The following NELL1 variants were observed in gnomAD, a reference collection of about 807,000 sequenced individuals.
NELL1 encodes the protein protein kinase C-binding protein NELL1.
A neutral mutation model predicts 107.4 loss-of-function variants in NELL1; 76 were observed. The ratio of observed to expected loss-of-function variants is 0.71; its 90% confidence interval spans 0.59 to 0.86. The LOEUF (loss-of-function observed/expected upper bound fraction) is 0.86. Among genes scored for constraint, NELL1 ranks in the 40% least tolerant of loss-of-function variants. The pLI is 0.00. For synonymous variants in NELL1, 353 were observed against 341.2 expected, an observed-to-expected ratio of 1.03 and a Z score of -0.38; for missense variants, 1,024 against 1,005.5, an observed-to-expected ratio of 1.02 and a Z score of -0.25.
intron 15 of NELL1, among the ~76,000 whole-genome samples, chr11:21,463,224 C>T (rs957915803): frequency 4.6e-5 from 7 of 152,014 alleles, no homozygotes; most frequent in Admixed American, 2.0e-4. Flanking sequence ...CTCCCACCTC[C>T]AGCACTTTGT....
chr11:21,459,748 A>G (rs1020193068), intron 15 of NELL1, among the ~76,000 whole-genome samples: 2 of 152,148 alleles, frequency 1.3e-5, no homozygotes, highest in Admixed American at 1.3e-4. Flanking sequence ...GATCTTCTTC[A>G]TCTAGAAAAT....
intron 14 of NELL1, among the ~76,000 whole-genome samples, chr11:21,292,546 A>C (rs564952999): frequency 6.6e-6 from 1 of 152,192 alleles, no homozygotes; most frequent in Non-Finnish European, 1.5e-5. Flanking sequence ...TAAAGCTACC[A>C]TTGACTTTCT....
chr11:20,697,916 T>C (rs1156393018), intron 2 of NELL1, among the ~76,000 whole-genome samples: 1 of 152,186 alleles, frequency 6.6e-6, no homozygotes, highest in African/African-American at 2.4e-5. Context: ...TAGCTGTTAA[T>C]GCTCAGAAAA....
chr11:20,831,991 A>AG (rs1198112615), intron 3 of NELL1, among the ~76,000 whole-genome samples: 1 of 152,190 alleles, frequency 6.6e-6, no homozygotes, highest in Non-Finnish European at 1.5e-5. Flanking sequence ...AATTCAGCGT[A>AG]GGGGGTGGGA....
intron 2 of NELL1, among the ~76,000 whole-genome samples, chr11:20,743,467 G>A (rs1376436010): frequency 1.3e-5 from 2 of 152,104 alleles, no homozygotes; most frequent in East Asian, 3.9e-4. Flanking sequence ...ATGAGTTGTT[G>A]TAACAATGAG....
At chr11:21,303,449 T>C (rs1053870207) in intron 14 of NELL1, among the ~76,000 whole-genome samples, 2 of 151,996 alleles carry the variant, frequency 1.3e-5, no homozygotes, top group African/African-American at 4.8e-5. Context: ...TCAGAATTGC[T>C]ATTATTAAAA....
chr11:20,845,875 C>T (rs776769960), intron 3 of NELL1, among the ~76,000 whole-genome samples: 4 of 151,992 alleles, frequency 2.6e-5, no homozygotes, highest in African/African-American at 4.8e-5. Context: ...ATATTTTAAA[C>T]CCCTTTTTAG....
rs547591509 is a variant in NELL1, at chr11:20,930,262, A to G, written c.997+1783A>G. On this transcript the variant is annotated intron_variant, in intron 9 of 19. Transcript: ENST00000357134. ...ATAGCTCCACTTAGAAACACTCTTGAAATTTTAGTGGATGTGTCCTTTTTT... is the reference window on the plus strand; with the variant it reads ...ATAGCTCCACTTAGAAACACTCTTGGAATTTTAGTGGATGTGTCCTTTTTT... 3.9e-5 allele frequency among the ~76,000 whole-genome samples: 6 copies of G among 152,300 alleles called. 1 individual carries two copies. In the South Asian group the frequency reaches 1.2e-3, roughly 32 times the overall value.
At chr11:20,968,356 A>AAAGGAAGGAAGG (rs113924334) in intron 12 of NELL1, among the ~76,000 whole-genome samples, 6 of 151,394 alleles carry the variant, frequency 4.0e-5, no homozygotes, top group East Asian at 3.9e-4. Context: ...TTAAAGAAAG[A>AAAGGAAGGAAGG]AAGGAAGGAA....
chr11:21,413,175 C>G (rs1016899933), intron 15 of NELL1, among the ~76,000 whole-genome samples: 2 of 152,096 alleles, frequency 1.3e-5, no homozygotes, highest in African/African-American at 2.4e-5. Context: ...TTCTCAGTAT[C>G]AGTATCACGA....
intron 19 of NELL1, 67 bp downstream of exon 19, chr11:21,573,476 C>T: frequency 7.3e-7 from 1 of 1,366,530 alleles, no homozygotes; most frequent in South Asian, 1.2e-5. Flanking sequence ...AGGAGGTCCA[C>T]TCCTGATGTT....
intron 15 of NELL1, among the ~76,000 whole-genome samples, chr11:21,381,006 T>G (rs1403927131): frequency 6.6e-6 from 1 of 152,046 alleles, no homozygotes; most frequent in African/African-American, 2.4e-5. Flanking sequence ...TTTATCCTTT[T>G]GGACATATAT....
chr11:20,739,002 T>A (rs1855825905), intron 2 of NELL1, among the ~76,000 whole-genome samples: 1 of 152,184 alleles, frequency 6.6e-6, no homozygotes, highest in Non-Finnish European at 1.5e-5. Flanking sequence ...CCTATATAAT[T>A]GCCGCAAGCT....
chr11:21,494,911 A>C (rs1854937709), intron 15 of NELL1, among the ~76,000 whole-genome samples: 1 of 151,864 alleles, frequency 6.6e-6, no homozygotes, highest in Non-Finnish European at 1.5e-5. Context: ...TTAGTGATGT[A>C]GAGCCATCTT....
chr11:21,325,196 T>C (rs1376523072), intron 14 of NELL1, among the ~76,000 whole-genome samples: 1 of 152,122 alleles, frequency 6.6e-6, no homozygotes, highest in Non-Finnish European at 1.5e-5. Context: ...TATGACTACT[T>C]TAATCTCTCT....
chr11:21,354,932 CCTT>C (rs148884337), intron 14 of NELL1, among the ~76,000 whole-genome samples: 4,306 of 152,208 alleles, frequency 0.028, 189 homozygotes, highest in African/African-American at 0.097. Context: ...AACCTTCTGA[CCTT>C]CTTACCTGGG....
At chr11:21,272,261 C>A (rs1848755193) in intron 14 of NELL1, among the ~76,000 whole-genome samples, 1 of 152,236 alleles carries the variant, frequency 6.6e-6, no homozygotes, top group Non-Finnish European at 1.5e-5. Context: ...TTATATCCCA[C>A]CCCTGGCTCG....
intron 14 of NELL1, among the ~76,000 whole-genome samples, chr11:21,240,766 T>TGGGGGG (rs150046714): frequency 1.3e-3 from 79 of 61,952 alleles, no homozygotes; most frequent in Non-Finnish European, 1.9e-3. Flanking sequence ...GCCTTTCTAG[T>TGGGGGG]GGGGGGGGGG....
chr11:21,393,686 T>C (rs1338216047), intron 15 of NELL1, among the ~76,000 whole-genome samples: 1 of 151,648 alleles, frequency 6.6e-6, no homozygotes, highest in Non-Finnish European at 1.5e-5. Flanking sequence ...AGTAGATAGA[T>C]TAGAAACTCA....
Sources: gnomAD v4.1 joint callset for allele counts (sites outside exome capture counted in the v4.1 genomes callset) on GRCh38, gnomAD v4.1.1 for gene constraint, MANE v1.5 for transcripts, NCBI Gene and HGNC (gene_info 2026-07-23, HGNC 2026-07-21) for gene names.